ROBO2: variants seen among roughly 807,000 people sequenced by gnomAD.
ROBO2 encodes the protein roundabout guidance receptor 2.
Under a neutral mutation model 160.8 loss-of-function variants are expected in ROBO2, and 53 were observed. The ratio of observed to expected loss-of-function variants is 0.33; its 90% CI spans 0.26 to 0.41. ROBO2 has a LOEUF of 0.41. Ranked by LOEUF, ROBO2 falls within the 10% of genes least tolerant of loss-of-function variation. The probability of loss-of-function intolerance (pLI) is 1.00; values close to 1 mark genes in which losing one functional copy is unlikely to be tolerated. For missense variants in ROBO2, 1,577 were observed against 1,722.4 expected, an observed-to-expected ratio of 0.92 and a Z score of 1.49; for synonymous variants, 664 against 611.7, an observed-to-expected ratio of 1.09 and a Z score of -1.26.
At chr3:77,519,080 A>G (rs900970723) in intron 5 of ROBO2, among the ~76,000 whole-genome samples, 1 of 151,406 alleles carries the variant, frequency 6.6e-6, no homozygotes, top group Non-Finnish European at 1.5e-5. Context: ...TCTTTTATTA[A>G]TTGTTAAGAT....
At chr3:77,176,414 G>C (rs1026628903) in intron 2 of ROBO2, among the ~76,000 whole-genome samples, 1 of 151,934 alleles carries the variant, frequency 6.6e-6, no homozygotes, top group East Asian at 1.9e-4. Flanking sequence ...ATATTTGTTT[G>C]TAAACACACC....
chr3:76,306,034 C>T (rs2071327505), intron 2 of ROBO2, among the ~76,000 whole-genome samples: 1 of 152,092 alleles, frequency 6.6e-6, no homozygotes, highest in African/African-American at 2.4e-5. Context: ...GAGTTGCACT[C>T]TTTCAACCTT....
chr3:77,355,482 A>T, intron 2 of ROBO2, among the ~76,000 whole-genome samples: 1 of 152,112 alleles, frequency 6.6e-6, no homozygotes, highest in East Asian at 1.9e-4. Context: ...GGGGTTGTGA[A>T]GAGGTGATTG....
chr3:77,148,614 G>A (rs1282992938), intron 2 of ROBO2, among the ~76,000 whole-genome samples: 1 of 152,160 alleles, frequency 6.6e-6, no homozygotes, highest in Non-Finnish European at 1.5e-5. Context: ...CTGAAGCACA[G>A]GAGAGATCAC....
At chr3:76,857,829 C>G (rs1405014628) in intron 2 of ROBO2, among the ~76,000 whole-genome samples, 2 of 152,182 alleles carry the variant, frequency 1.3e-5, no homozygotes, top group African/African-American at 4.8e-5. Flanking sequence ...GCCTTACTCA[C>G]AAGGTCATAA....
intron 2 of ROBO2, among the ~76,000 whole-genome samples, chr3:76,582,599 C>T (rs2085770757): frequency 6.6e-6 from 1 of 151,992 alleles, no homozygotes; most frequent in African/African-American, 2.4e-5. Flanking sequence ...GAACAGTTTA[C>T]TGGAGTTAAT....
chr3:76,993,550 G>A (rs1421750863), intron 2 of ROBO2, among the ~76,000 whole-genome samples: 1 of 152,130 alleles, frequency 6.6e-6, no homozygotes, highest in Non-Finnish European at 1.5e-5. Flanking sequence ...AAAAACAAAT[G>A]CAGGTATCTC....
intron 2 of ROBO2, among the ~76,000 whole-genome samples, chr3:76,925,090 C>T (rs1301919214): frequency 1.3e-5 from 2 of 150,530 alleles, no homozygotes; most frequent in African/African-American, 4.9e-5. Context: ...CACCTGTAGT[C>T]CCAGCTACTT....
At chr3:75,949,459 CAT>C (rs1463884898) in intron 2 of ROBO2, among the ~76,000 whole-genome samples, 2 of 152,068 alleles carry the variant, frequency 1.3e-5, no homozygotes, top group Non-Finnish European at 2.9e-5. Flanking sequence ...ACTGATTTCA[CAT>C]GTCATGTACT....
chr3:77,153,829 T>C (rs2077737335), intron 2 of ROBO2, among the ~76,000 whole-genome samples: 1 of 152,130 alleles, frequency 6.6e-6, no homozygotes, highest in East Asian at 1.9e-4. Context: ...TCTTTGACAT[T>C]TCTATTTTAT....
intron 2 of ROBO2, among the ~76,000 whole-genome samples, chr3:76,539,741 G>A (rs1011831198): frequency 1.3e-5 from 2 of 152,116 alleles, no homozygotes; most frequent in Non-Finnish European, 2.9e-5. Context: ...CCTTTCTAAT[G>A]TCAGAAAGCT....
At chr3:75,962,570 C>T (rs1948957644) in intron 2 of ROBO2, among the ~76,000 whole-genome samples, 1 of 151,666 alleles carries the variant, frequency 6.6e-6, no homozygotes, top group African/African-American at 2.4e-5. Flanking sequence ...TTCAAGTTAT[C>T]TTTGCCTCCG....
chr3:76,555,360 G>GAA (rs2083656891), intron 2 of ROBO2, among the ~76,000 whole-genome samples: 2 of 26,904 alleles, frequency 7.4e-5, no homozygotes, highest in Non-Finnish European at 1.0e-4. Flanking sequence ...TAGGAAGAGA[G>GAA]AAGAAGAAGA....
chr3:77,090,454 C>T (rs929163240), intron 1 of ROBO2, among the ~76,000 whole-genome samples: 3 of 147,480 alleles, frequency 2.0e-5, no homozygotes, highest in Non-Finnish European at 3.0e-5. Flanking sequence ...CCCGGGTTCA[C>T]GCCATTCTCC....
intron 2 of ROBO2, among the ~76,000 whole-genome samples, chr3:76,013,658 A>C (rs2066284539): frequency 6.6e-6 from 1 of 151,596 alleles, no homozygotes; most frequent in African/African-American, 2.4e-5. Flanking sequence ...GATGTGTATA[A>C]TCCCAGAAGT....
chr3:77,321,645 G>A (rs1435908414), intron 2 of ROBO2, among the ~76,000 whole-genome samples: 1 of 152,122 alleles, frequency 6.6e-6, no homozygotes, highest in East Asian at 1.9e-4. Context: ...TTAGTTGAGT[G>A]TTACAGTTTT....
chr3:75,989,296 T>G (rs975994004), intron 2 of ROBO2, among the ~76,000 whole-genome samples: 2 of 151,990 alleles, frequency 1.3e-5, no homozygotes, highest in African/African-American at 2.4e-5. Context: ...TTTTGTACAT[T>G]TACTAGAGAC....
chr3:76,404,648 G>A (rs911524352), intron 2 of ROBO2, among the ~76,000 whole-genome samples: 4 of 143,534 alleles, frequency 2.8e-5, no homozygotes, highest in African/African-American at 1.1e-4. Flanking sequence ...ATCATTGAGG[G>A]AATGTAAAAA....
At chr3:76,910,891 G>A (rs1050442408) in intron 2 of ROBO2, among the ~76,000 whole-genome samples, 2 of 151,964 alleles carry the variant, frequency 1.3e-5, no homozygotes, top group Non-Finnish European at 2.9e-5. Flanking sequence ...TTCAAAAAGA[G>A]ATTTGGGGGG....
Sources: allele counts gnomAD v4.1 joint callset (sites outside exome capture counted in the v4.1 genomes callset), GRCh38; gene constraint gnomAD v4.1.1; transcripts MANE v1.5; gene names NCBI Gene and HGNC (gene_info 2026-07-23, HGNC 2026-07-21).